The following FAAH2 variants were observed in gnomAD, a reference collection of about 807,000 sequenced individuals.
The protein encoded by FAAH2 is fatty acid amide hydrolase 2, also known as fatty-acid amide hydrolase 2.
FAAH2 carries 60 observed loss-of-function variants against 36.9 expected under a neutral mutation model. That is an observed-to-expected ratio of 1.63 (90% CI 1.32 to 2.02). The LOEUF (loss-of-function observed/expected upper bound fraction) is 2.02, where lower values mean the gene tolerates loss of function less well. Among genes scored for constraint, FAAH2 ranks in the 30% most tolerant of loss-of-function variants. FAAH2 has a pLI of 0.00. For synonymous variants in FAAH2, 214 were observed against 143.8 expected, an observed-to-expected ratio of 1.49 and a Z score of -3.49; for missense variants, 689 against 397.5, an observed-to-expected ratio of 1.73 and a Z score of -6.23.
intron 7 of FAAH2, among the ~76,000 whole-genome samples, chrX:57,408,589 A>G (rs949276944): frequency 1.8e-5 from 2 of 109,116 alleles, no homozygotes; most frequent in African/African-American, 6.6e-5. Context: ...TCTGGCTAAG[A>G]CTTCCAGTGA....
the FAAH2 span, among the ~76,000 whole-genome samples, chrX:57,280,471 T>C: frequency 4.0e-3 from 442 of 110,376 alleles, 1 homozygote; most frequent in African/African-American, 0.014. Flanking sequence ...TTTTAGGCCC[T>C]AGGGAAATGC....
chrX:57,371,655 C>T (rs774349853), intron 5 of FAAH2, among the ~76,000 whole-genome samples: 2 of 105,544 alleles, frequency 1.9e-5, no homozygotes, highest in Non-Finnish European at 3.9e-5. Flanking sequence ...GGGTTACTTT[C>T]AACTTTTACT....
chrX:57,252,887 A>G, the FAAH2 span, among the ~76,000 whole-genome samples: 8 of 112,695 alleles, frequency 7.1e-5, no homozygotes, highest in South Asian at 3.7e-4. Context: ...CTTGCCAGCA[A>G]GGGCACAAAC....
At chrX:57,146,738 C>T in the FAAH2 span, among the ~76,000 whole-genome samples, 1 of 111,917 alleles carries the variant, frequency 8.9e-6, no homozygotes, top group Admixed American at 9.5e-5. Context: ...AGGTATGTCT[C>T]TTCTATGCTG....
chrX:57,184,859 G>T, the FAAH2 span, among the ~76,000 whole-genome samples: 3 of 111,895 alleles, frequency 2.7e-5, no homozygotes, highest in Non-Finnish European at 5.6e-5. Context: ...CCTACAGAAA[G>T]AATATCTTTG....
Position 57,378,638 on chromosome X carries a change from T to A in FAAH2, c.743-13T>A, listed in dbSNP as rs1001772422. The A allele has an allele frequency of 8.3e-7, 1 of 1,208,502 alleles. No homozygotes were observed. Among genetic ancestry groups the A allele is most frequent in the Admixed American group, 2.2e-5 (1 of 45,514 alleles). ...TTATTTTGGGCGGCTAACCTGACTGTCTATCCTTTCAGGTGTGGTTCCCAA... is the reference window on the plus strand; with the variant it reads ...TTATTTTGGGCGGCTAACCTGACTGACTATCCTTTCAGGTGTGGTTCCCAA... On this transcript the variant is annotated splice_polypyrimidine_tract_variant and intron_variant, in intron 5 of 10. Coordinates refer to ENST00000374900, the MANE Select transcript of FAAH2 (RefSeq NM_174912.4).
At chrX:57,316,080 A>T (rs770257071) in intron 3 of FAAH2, among the ~76,000 whole-genome samples, 1 of 111,647 alleles carries the variant, frequency 9.0e-6, no homozygotes, top group Non-Finnish European at 1.9e-5. Flanking sequence ...AATGTAGTAA[A>T]TCGGTAGTAT....
At chrX:57,243,944 C>A in the FAAH2 span, among the ~76,000 whole-genome samples, 1 of 108,727 alleles carries the variant, frequency 9.2e-6, no homozygotes, top group African/African-American at 3.4e-5. Context: ...TAATAACAAA[C>A]TCCTCTGGGC....
the FAAH2 span, among the ~76,000 whole-genome samples, chrX:57,172,813 G>A: frequency 9.0e-6 from 1 of 111,571 alleles, no homozygotes; most frequent in Non-Finnish European, 1.9e-5. Flanking sequence ...CTCCTACACT[G>A]CTGCATTCCT....
intron 2 of FAAH2, among the ~76,000 whole-genome samples, chrX:57,297,364 G>C (rs1274652281): frequency 9.1e-6 from 1 of 110,202 alleles, no homozygotes; most frequent in African/African-American, 3.3e-5. Context: ...AGCTTCATAA[G>C]TGCAGGAGAA....
the FAAH2 span, among the ~76,000 whole-genome samples, chrX:57,256,939 A>T: frequency 9.8e-4 from 110 of 112,665 alleles, no homozygotes; most frequent in Admixed American, 1.9e-3. Flanking sequence ...GACATATGAA[A>T]AAATGCTCAT....
chrX:57,243,781 A>T, the FAAH2 span, among the ~76,000 whole-genome samples: 2 of 111,798 alleles, frequency 1.8e-5, no homozygotes, highest in Non-Finnish European at 3.8e-5. Context: ...AAATCTATAA[A>T]GATAGAGAGA....
At chrX:57,246,532 C>T in the FAAH2 span, among the ~76,000 whole-genome samples, 1 of 111,629 alleles carries the variant, frequency 9.0e-6, no homozygotes, top group South Asian at 3.8e-4. Flanking sequence ...ATGATCAATT[C>T]GGCTTCATCC....
the FAAH2 span, among the ~76,000 whole-genome samples, chrX:57,266,545 G>A: frequency 8.9e-6 from 1 of 112,439 alleles, no homozygotes; most frequent in Non-Finnish European, 1.9e-5. Context: ...GCCTCTCCTT[G>A]TTACTCTTGA....
intron 10 of FAAH2, among the ~76,000 whole-genome samples, chrX:57,478,364 A>T (rs1476735853): frequency 6.3e-5 from 7 of 110,568 alleles, no homozygotes; most frequent in Non-Finnish European, 1.1e-4. Context: ...AATTTGTTTG[A>T]GTTCATTGTA....
intron 1 of FAAH2, among the ~76,000 whole-genome samples, chrX:57,291,572 A>C (rs1418528686): frequency 8.9e-6 from 1 of 111,797 alleles, no homozygotes; most frequent in African/African-American, 3.2e-5. Flanking sequence ...CTTATTATGT[A>C]ATTGGTTTAA....
At chrX:57,172,059 G>A in the FAAH2 span, among the ~76,000 whole-genome samples, 1 of 111,294 alleles carries the variant, frequency 9.0e-6, no homozygotes, top group Non-Finnish European at 1.9e-5. Context: ...TCACTTGATT[G>A]TAAGTATTTG....
Position 57,402,109 on chromosome X carries a change from G to T in FAAH2, c.996+21080G>T, listed in dbSNP as rs780667328. ...CCCTCAATGTTCAAGCATACCCGGG[G>T]CTCTGTGAGGGTGATGGCATTGGCT... is the stretch of plus-strand genomic sequence containing the variant. On this transcript the variant is annotated intron_variant, in intron 7 of 10. Transcript: ENST00000374900. 9.9e-5 allele frequency among the ~76,000 whole-genome samples: 11 copies of T among 111,570 alleles called. No homozygotes were observed. In the East Asian group the frequency reaches 2.9e-3, roughly 29 times the overall value.
chrX:57,323,004 C>T (rs1044527745), intron 3 of FAAH2, among the ~76,000 whole-genome samples: 1 of 110,259 alleles, frequency 9.1e-6, no homozygotes, highest in African/African-American at 3.3e-5. Context: ...CCACAACAGG[C>T]CCCAGTGTGT....
Sources: gnomAD v4.1 joint callset for allele counts (sites outside exome capture counted in the v4.1 genomes callset) on GRCh38, gnomAD v4.1.1 for gene constraint, MANE v1.5 for transcripts, NCBI Gene and HGNC (gene_info 2026-07-23, HGNC 2026-07-21) for gene names.